The following CNTN5 variants were observed in gnomAD, a reference collection of about 807,000 sequenced individuals.
CNTN5 encodes the protein contactin-5.
Under a neutral mutation model 129.1 loss-of-function variants are expected in CNTN5, and 77 were observed. The observed-to-expected ratio is 0.60, with a 90% CI of 0.50 to 0.72. The LOEUF (loss-of-function observed/expected upper bound fraction) is 0.72. CNTN5 is among the 30% of genes least tolerant of loss of function. CNTN5 has a pLI of 0.00. For synonymous variants in CNTN5, 509 were observed against 465.6 expected (o/e 1.09, Z -1.20); for missense variants, 1,478 against 1,328.8 (o/e 1.11, Z -1.75).
chr11:99,358,347 G>A (rs1479264119), intron 2 of CNTN5, among the ~76,000 whole-genome samples: 1 of 141,720 alleles, frequency 7.1e-6, no homozygotes, highest in Non-Finnish European at 1.5e-5. Context: ...GCCAGCCTCG[G>A]CCTCCCAAAG....
chr11:99,895,383 A>G (rs1416050621), intron 6 of CNTN5, among the ~76,000 whole-genome samples: 1 of 152,240 alleles, frequency 6.6e-6, no homozygotes, highest in Non-Finnish European at 1.5e-5. Context: ...ATGAAGAGAT[A>G]TCTCCTCAAG....
chr11:100,106,344 A>G (rs67529314), intron 13 of CNTN5, among the ~76,000 whole-genome samples: 10,640 of 152,290 alleles, frequency 0.07, 456 homozygotes, highest in Middle Eastern at 0.22. Context: ...ATATCCAGGA[A>G]TAAAAGAAGA....
At chr11:99,885,045 G>T (rs12420598) in intron 6 of CNTN5, among the ~76,000 whole-genome samples, 38,903 of 152,032 alleles carry the variant, frequency 0.26, 5,713 homozygotes, top group Non-Finnish European at 0.33. Flanking sequence ...CACTCTGGGG[G>T]GGTGAGGAGA....
intron 1 of CNTN5, among the ~76,000 whole-genome samples, chr11:99,058,872 T>C (rs1373105198): frequency 6.6e-6 from 1 of 151,416 alleles, no homozygotes; most frequent in Non-Finnish European, 1.5e-5. Context: ...ATGATGAGGA[T>C]TGAATGGAGG....
intron 6 of CNTN5, among the ~76,000 whole-genome samples, chr11:99,911,670 A>G (rs1302447985): frequency 1.3e-5 from 2 of 151,044 alleles, no homozygotes; most frequent in Non-Finnish European, 3.0e-5. Flanking sequence ...TTTTTGAAAT[A>G]TTTTTCAGGT....
At chr11:99,462,673 G>T (rs1267973134) in intron 2 of CNTN5, among the ~76,000 whole-genome samples, 1 of 152,156 alleles carries the variant, frequency 6.6e-6, no homozygotes, top group Non-Finnish European at 1.5e-5. Context: ...GAATACGCCC[G>T]CTCCCTTGCT....
chr11:100,143,734 G>A (rs751064391), intron 13 of CNTN5, among the ~76,000 whole-genome samples: 11 of 152,146 alleles, frequency 7.2e-5, no homozygotes, highest in Non-Finnish European at 1.3e-4. Context: ...TAGAGCCAGT[G>A]TGGCAAATAA....
chr11:99,312,003 G>T (rs898947007), intron 1 of CNTN5, among the ~76,000 whole-genome samples: 8 of 152,074 alleles, frequency 5.3e-5, no homozygotes, highest in African/African-American at 1.4e-4. Context: ...CTGTTTTGTT[G>T]ACTGCTACTG....
chr11:99,820,305 A>T (rs1946757191), intron 4 of CNTN5, among the ~76,000 whole-genome samples: 1 of 152,306 alleles, frequency 6.6e-6, no homozygotes, highest in East Asian at 1.9e-4. Context: ...TGAATATCGG[A>T]AACATAAAAC....
chr11:99,823,539 A>G (rs1946863948), intron 4 of CNTN5, among the ~76,000 whole-genome samples: 1 of 152,178 alleles, frequency 6.6e-6, no homozygotes, highest in South Asian at 2.1e-4. Context: ...TGCTGCAATT[A>G]GAAGAGATAT....
At chr11:99,580,627 T>C (rs1014643111) in intron 3 of CNTN5, among the ~76,000 whole-genome samples, 5 of 152,236 alleles carry the variant, frequency 3.3e-5, no homozygotes, top group African/African-American at 1.2e-4. Context: ...TAGACGTGTT[T>C]ATAGTATTCT....
At chr11:99,676,715 A>G (rs1311782030) in intron 3 of CNTN5, among the ~76,000 whole-genome samples, 9 of 152,206 alleles carry the variant, frequency 5.9e-5, no homozygotes, top group Admixed American at 5.9e-4. Flanking sequence ...CCTAGAACTT[A>G]AAGTATAATT....
intron 1 of CNTN5, among the ~76,000 whole-genome samples, chr11:99,200,976 T>A (rs1859145171): frequency 6.6e-6 from 1 of 151,720 alleles, no homozygotes; most frequent in African/African-American, 2.4e-5. Context: ...AAAGTCTATT[T>A]ATAGCTTTCT....
chr11:100,351,046 G>T (rs1387772381), intron 24 of CNTN5, among the ~76,000 whole-genome samples, 176 bp downstream of exon 24: 1 of 151,540 alleles, frequency 6.6e-6, no homozygotes, highest in African/African-American at 2.4e-5. Context: ...GCTCACAATT[G>T]CAGAATTTCT....
chr11:99,746,699 A>C (rs1405790839), intron 3 of CNTN5, among the ~76,000 whole-genome samples: 1 of 152,156 alleles, frequency 6.6e-6, no homozygotes, highest in African/African-American at 2.4e-5. Context: ...AACCATCTCC[A>C]CTGCCCTACG....
Position 100,256,972 on chromosome 11 carries a change from G to A in CNTN5, c.2164+1054G>A, listed in dbSNP as rs192924600. The stretch of plus-strand genomic sequence containing the variant: ...ACAGAACCATTCACTCCCCTAGAAA[G>A]GGGGCTGAAGCCAGAGAGCCAAGTG... On this transcript the variant is annotated intron_variant, in intron 17 of 24. Transcript: ENST00000524871. 8.0e-3 allele frequency among the ~76,000 whole-genome samples: 1,224 copies of A among 152,202 alleles called. 22 individuals carry two copies. The highest frequency in any genetic ancestry group is 0.028 in the African/African-American group (1,143 of 41,542).
intron 9 of CNTN5, among the ~76,000 whole-genome samples, chr11:100,049,600 C>G (rs1485598012): frequency 1.3e-5 from 2 of 152,016 alleles, no homozygotes; most frequent in Non-Finnish European, 2.9e-5. Flanking sequence ...AAAGCAACGG[C>G]AACAAAAGCC....
At chr11:100,116,272 A>G (rs1345194499) in intron 13 of CNTN5, among the ~76,000 whole-genome samples, 1 of 152,056 alleles carries the variant, frequency 6.6e-6, no homozygotes, top group Non-Finnish European at 1.5e-5. Flanking sequence ...TATAAAAGAG[A>G]AAATACATTT....
rs961021243 is a variant in CNTN5 at position 99,235,404 on chromosome 11, A to G, written c.-209-89942A>G. 2.0e-5 allele frequency among the ~76,000 whole-genome samples: 3 copies of G among 152,146 alleles called. No homozygotes were observed. In the East Asian group the frequency reaches 5.8e-4, roughly 29 times the overall value. ...TTCAAATTTAAATGCAATTCATCTA[A>G]TTGCTGAGATGAAAGAAAAAATATG... is the stretch of plus-strand genomic sequence containing the variant. On this transcript the variant is annotated intron_variant, in intron 1 of 24. Transcript: ENST00000524871.
Sources: gnomAD v4.1 joint callset for allele counts (sites outside exome capture counted in the v4.1 genomes callset) on GRCh38, gnomAD v4.1.1 for gene constraint, MANE v1.5 for transcripts, NCBI Gene and HGNC (gene_info 2026-07-23, HGNC 2026-07-21) for gene names.